Variants in GPC6 observed in about 807,000 individuals in gnomAD.
The protein encoded by GPC6 is glypican 6, also known as glypican-6.
Under a neutral mutation model 55.2 loss-of-function variants are expected in GPC6, and 14 were observed. That is an observed-to-expected ratio of 0.25 (90% CI 0.17 to 0.40). The LOEUF (loss-of-function observed/expected upper bound fraction) is 0.40, where lower values mean the gene tolerates loss of function less well. GPC6 is among the 10% of genes least tolerant of loss of function. GPC6 has a pLI of 1.00. For synonymous variants in GPC6, 278 were observed against 259.6 expected (o/e 1.07, Z -0.68); for missense variants, 641 against 708.5 (o/e 0.90, Z 1.08).
At chr13:93,564,580 C>T (rs1389030838) in intron 2 of GPC6, among the ~76,000 whole-genome samples, 1 of 152,118 alleles carries the variant, frequency 6.6e-6, no homozygotes, top group Non-Finnish European at 1.5e-5. Flanking sequence ...TTTCTACACC[C>T]CACTTTCAAT....
At chr13:93,661,071 A>G (rs532988232) in intron 2 of GPC6, among the ~76,000 whole-genome samples, 1 of 152,336 alleles carries the variant, frequency 6.6e-6, no homozygotes, top group Admixed American at 6.5e-5. Context: ...GAGACTTAGT[A>G]AACTCATCTG....
intron 2 of GPC6, among the ~76,000 whole-genome samples, chr13:93,610,631 G>T (rs1337436224): frequency 1.3e-5 from 2 of 151,948 alleles, no homozygotes; most frequent in Admixed American, 1.3e-4. Flanking sequence ...ATGTTTATAT[G>T]TACATGTGTA....
chr13:93,452,674 A>G (rs901636960), intron 1 of GPC6, among the ~76,000 whole-genome samples: 51 of 152,358 alleles, frequency 3.3e-4, no homozygotes, highest in African/African-American at 1.2e-3. Flanking sequence ...CAATTTATTT[A>G]CATTGAGATT....
At chr13:94,062,315 G>A (rs983086132) in intron 4 of GPC6, among the ~76,000 whole-genome samples, 2 of 151,852 alleles carry the variant, frequency 1.3e-5, no homozygotes, top group East Asian at 1.9e-4. Context: ...GCAGTGGCAC[G>A]ATCTTGGCTC....
chr13:93,732,698 A>G (rs771342313), intron 2 of GPC6, among the ~76,000 whole-genome samples: 1 of 152,200 alleles, frequency 6.6e-6, no homozygotes, highest in Non-Finnish European at 1.5e-5. Context: ...ATCATTTATT[A>G]TAGACTCAGA....
chr13:94,126,748 C>G (rs549056377), intron 4 of GPC6, among the ~76,000 whole-genome samples: 1 of 152,202 alleles, frequency 6.6e-6, no homozygotes, highest in South Asian at 2.1e-4. Flanking sequence ...GACCTGTACA[C>G]TTTTTCTGTG....
intron 1 of GPC6, among the ~76,000 whole-genome samples, chr13:93,318,876 A>G (rs1879333158): frequency 6.6e-6 from 1 of 152,178 alleles, no homozygotes; most frequent in African/African-American, 2.4e-5. Flanking sequence ...AAATGTTGCT[A>G]TATGTTATAG....
At chr13:94,125,184 G>A (rs527566645) in intron 4 of GPC6, among the ~76,000 whole-genome samples, 1 of 152,066 alleles carries the variant, frequency 6.6e-6, no homozygotes, top group African/African-American at 2.4e-5. Flanking sequence ...TTTTTTCTAT[G>A]TAAAAGATAG....
intron 1 of GPC6, among the ~76,000 whole-genome samples, chr13:93,331,601 C>T (rs1023218612): frequency 3.3e-5 from 5 of 151,368 alleles, no homozygotes; most frequent in African/African-American, 4.9e-5. Context: ...TATTTTAAAA[C>T]GTATTTTCCC....
At chr13:93,252,089 A>G (rs992442446) in intron 1 of GPC6, among the ~76,000 whole-genome samples, 6 of 152,182 alleles carry the variant, frequency 3.9e-5, no homozygotes, top group African/African-American at 1.4e-4. Context: ...CAAAAGTCTT[A>G]TTCAAACCTA....
chr13:93,538,690 G>A (rs1273558335), intron 1 of GPC6, among the ~76,000 whole-genome samples: 1 of 152,166 alleles, frequency 6.6e-6, no homozygotes, highest in African/African-American at 2.4e-5. Flanking sequence ...AAAACATCAA[G>A]CAAAGTAGAG....
chr13:94,154,981 C>G (rs1887878687), intron 4 of GPC6, among the ~76,000 whole-genome samples: 1 of 152,178 alleles, frequency 6.6e-6, no homozygotes, highest in Non-Finnish European at 1.5e-5. Flanking sequence ...CTTTGTGGCT[C>G]CTCTGCCCTT....
intron 1 of GPC6, among the ~76,000 whole-genome samples, chr13:93,471,179 G>C (rs1190659337): frequency 6.6e-6 from 1 of 151,184 alleles, no homozygotes; most frequent in African/African-American, 2.4e-5. Flanking sequence ...TTTTTTTCTA[G>C]CTAGTTAAGA....
chr13:94,231,517 G>C (rs1483288278), intron 4 of GPC6, among the ~76,000 whole-genome samples: 1 of 152,116 alleles, frequency 6.6e-6, no homozygotes, highest in African/African-American at 2.4e-5. Flanking sequence ...CCACCAACAA[G>C]ATACAAAGGG....
intron 2 of GPC6, among the ~76,000 whole-genome samples, chr13:93,650,888 T>C (rs1414123615): frequency 2.6e-5 from 4 of 152,182 alleles, no homozygotes; most frequent in Non-Finnish European, 4.4e-5. Flanking sequence ...TTAACCTGCT[T>C]CTGTGTAATT....
At chr13:94,002,073 A>G (rs1239510426) in intron 3 of GPC6, among the ~76,000 whole-genome samples, 1 of 152,042 alleles carries the variant, frequency 6.6e-6, no homozygotes, top group East Asian at 1.9e-4. Flanking sequence ...TTATTTTTCA[A>G]ACAGTTGGCT....
chr13:94,024,147 G>T (rs963390051), intron 3 of GPC6, among the ~76,000 whole-genome samples: 1 of 149,266 alleles, frequency 6.7e-6, no homozygotes, highest in Non-Finnish European at 1.5e-5. Context: ...GTGAATACAG[G>T]TTCATAAACT....
chr13:93,696,551 T>A (rs542133640), intron 2 of GPC6, among the ~76,000 whole-genome samples: 105 of 151,560 alleles, frequency 6.9e-4, no homozygotes, highest in East Asian at 9.6e-4. Flanking sequence ...CCTTTTTTTT[T>A]TAAAAAACAA....
chr13:93,306,017 G>T (rs1878845182), intron 1 of GPC6, among the ~76,000 whole-genome samples: 2 of 152,154 alleles, frequency 1.3e-5, no homozygotes, highest in South Asian at 4.1e-4. Context: ...TGAATGGAGG[G>T]TTAGTATATT....
Sources: gnomAD v4.1 joint callset for allele counts (sites outside exome capture counted in the v4.1 genomes callset) on GRCh38, gnomAD v4.1.1 for gene constraint, MANE v1.5 for transcripts, NCBI Gene and HGNC (gene_info 2026-07-23, HGNC 2026-07-21) for gene names.